Variants in NUDCD3 observed in about 807,000 individuals in gnomAD.
The protein encoded by NUDCD3 is nudC domain-containing protein 3.
In NUDCD3, 13 loss-of-function variants were observed where a neutral mutation model predicts 39.7. The observed-to-expected ratio is 0.33, with a 90% CI of 0.21 to 0.52. The LOEUF is 0.52. Among genes scored for constraint, NUDCD3 ranks in the 20% least tolerant of loss-of-function variants. NUDCD3 has a pLI of 0.96. For synonymous variants in NUDCD3, 175 were observed against 172.4 expected (o/e 1.02, Z -0.12); for missense variants, 453 against 458.1 (o/e 0.99, Z 0.10).
intron 2 of NUDCD3, among the ~76,000 whole-genome samples, chr7:44,434,597 G>A (rs1311922865): frequency 6.6e-6 from 1 of 152,184 alleles, no homozygotes; most frequent in Non-Finnish European, 1.5e-5. Context: ...TGGATACCCT[G>A]CCACCTCAGC....
intron 2 of NUDCD3, among the ~76,000 whole-genome samples, chr7:44,457,769 T>G (rs1330176692): frequency 6.6e-6 from 1 of 152,058 alleles, no homozygotes; most frequent in Non-Finnish European, 1.5e-5. Context: ...TACTAGAAAA[T>G]GCACATGGAA....
At chr7:44,460,958 T>C (rs1253298779) in intron 2 of NUDCD3, among the ~76,000 whole-genome samples, 1 of 152,252 alleles carries the variant, frequency 6.6e-6, no homozygotes, top group Non-Finnish European at 1.5e-5. Flanking sequence ...AAAATGTATT[T>C]GAACGGTGTG....
chr7:44,458,972 GT>G (rs1799953886), intron 2 of NUDCD3, among the ~76,000 whole-genome samples: 1 of 150,432 alleles, frequency 6.6e-6, no homozygotes, highest in African/African-American at 2.5e-5. Context: ...GTGTGTGTGT[GT>G]GTGTGTGGTG....
intron 2 of NUDCD3, among the ~76,000 whole-genome samples, chr7:44,431,061 A>T (rs1355204169): frequency 6.6e-6 from 1 of 152,204 alleles, no homozygotes; most frequent in Non-Finnish European, 1.5e-5. Flanking sequence ...TGCTTTTTAT[A>T]GTGCTCTGAA....
chr7:44,469,234 C>T (rs936215323), intron 2 of NUDCD3, among the ~76,000 whole-genome samples: 1 of 150,882 alleles, frequency 6.6e-6, no homozygotes, highest in South Asian at 2.1e-4. Context: ...GACCCATCTG[C>T]TTTTTGTTCT....
chr7:44,389,447 G>A (rs1798468824), intron 5 of NUDCD3, among the ~76,000 whole-genome samples: 1 of 152,136 alleles, frequency 6.6e-6, no homozygotes, highest in African/African-American at 2.4e-5. Context: ...GGGAGGCCGA[G>A]GCGGGCGGAT....
chr7:44,439,132 G>A (rs1365330388), intron 2 of NUDCD3, among the ~76,000 whole-genome samples: 1 of 152,090 alleles, frequency 6.6e-6, no homozygotes, highest in East Asian at 1.9e-4. Flanking sequence ...GTGGCCTGGG[G>A]GAAAGAAGGA....
At chr7:44,485,325 A>G (rs763089065) in intron 1 of NUDCD3, 41 bp from the exon 2 acceptor site, 20 of 1,446,608 alleles carry the variant, frequency 1.4e-5, no homozygotes, top group East Asian at 1.1e-4. Flanking sequence ...TCATCTGCCC[A>G]ATACTGTACC....
intron 3 of NUDCD3, chr7:44,426,017 C>T: frequency 3.9e-6 from 2 of 508,638 alleles, no homozygotes; most frequent in Non-Finnish European, 5.1e-6. Context: ...GCATGCGGTA[C>T]TTATAGGACA....
intron 2 of NUDCD3, among the ~76,000 whole-genome samples, chr7:44,461,207 T>C (rs959163335): frequency 6.6e-6 from 1 of 152,178 alleles, no homozygotes; most frequent in African/African-American, 2.4e-5. Context: ...CATCACCTTC[T>C]CCAGGAAGTA....
intron 2 of NUDCD3, among the ~76,000 whole-genome samples, chr7:44,479,768 A>C (rs1036227662): frequency 2.0e-5 from 3 of 152,180 alleles, no homozygotes; most frequent in Non-Finnish European, 4.4e-5. Context: ...ACCTTAAATT[A>C]CTCAATTAAA....
rs1214509409 is a variant in NUDCD3, at chr7:44,385,199, T to C, written c.*812A>G. The C allele has an allele frequency of 2.0e-5, 3 of 152,404 alleles. No homozygotes were observed. Among genetic ancestry groups the C allele is most frequent in the Admixed American group, 6.5e-5 (1 of 15,306 alleles). 9.4% of individuals were successfully genotyped at this position (152,404 alleles called of 1,614,324 possible). On this transcript the variant is annotated 3_prime_UTR_variant, in exon 6 of 6. Transcript: ENST00000355451. The stretch of plus-strand genomic sequence containing the variant: ...CCTGAGGGCACCAGCTCTCCACTCC[T>C]GCCCACACTTTGACACCGTGCACCC...
chr7:44,393,614 G>T (rs890593572), intron 4 of NUDCD3, among the ~76,000 whole-genome samples: 2 of 152,192 alleles, frequency 1.3e-5, no homozygotes, highest in Admixed American at 1.3e-4. Context: ...TTTTTCAACA[G>T]AAATACTTGA....
intron 2 of NUDCD3, among the ~76,000 whole-genome samples, chr7:44,448,308 G>A (rs1799724296): frequency 6.6e-6 from 1 of 152,208 alleles, no homozygotes; most frequent in South Asian, 2.1e-4. Context: ...CTAAGAGCCA[G>A]GGCAGCCTTT....
intron 4 of NUDCD3, among the ~76,000 whole-genome samples, chr7:44,402,315 T>G (rs930022363): frequency 3.9e-5 from 6 of 152,204 alleles, no homozygotes; most frequent in African/African-American, 1.2e-4. Context: ...AAGAAGTTAA[T>G]GTTTTGGCCA....
At chr7:44,467,888 C>T (rs1184686236) in intron 2 of NUDCD3, 1 of 1,601,866 alleles carries the variant, frequency 6.2e-7, no homozygotes, top group Admixed American at 1.7e-5. Context: ...CCATCTCCTC[C>T]TCGGCATCAT....
At chr7:44,419,454 G>A (rs1799094807) in intron 3 of NUDCD3, among the ~76,000 whole-genome samples, 2 of 152,230 alleles carry the variant, frequency 1.3e-5, no homozygotes, top group South Asian at 4.1e-4. Flanking sequence ...GAGAGCAACA[G>A]ATCCTGACAA....
chr7:44,489,791 G>A (rs1323770228), intron 1 of NUDCD3: 2 of 152,190 alleles, frequency 1.3e-5, no homozygotes, highest in Admixed American at 6.5e-5. Flanking sequence ...GCAACTAAGA[G>A]TGTAAACTAC....
chr7:44,411,857 G>A (rs1193735174), intron 3 of NUDCD3, among the ~76,000 whole-genome samples: 6 of 152,152 alleles, frequency 3.9e-5, no homozygotes, highest in Non-Finnish European at 5.9e-5. Flanking sequence ...GTCCATGTAT[G>A]GGTGGTAAAG....
Sources: allele counts gnomAD v4.1 joint callset (sites outside exome capture counted in the v4.1 genomes callset), GRCh38; gene constraint gnomAD v4.1.1; transcripts MANE v1.5; gene names NCBI Gene and HGNC (gene_info 2026-07-23, HGNC 2026-07-21).